UMOD: variants seen among roughly 807,000 people sequenced by gnomAD.
UMOD encodes the protein uromodulin, also known as Tamm-Horsfall urinary glycoprotein.
UMOD carries 64 observed loss-of-function variants against 66.0 expected under a neutral mutation model. That is an observed-to-expected ratio of 0.97 (90% CI 0.79 to 1.19). The LOEUF (loss-of-function observed/expected upper bound fraction) is 1.19, where lower values mean the gene tolerates loss of function less well. UMOD is among the 50% of genes most tolerant of loss of function. UMOD has a pLI of 0.00. For missense variants in UMOD, 764 were observed against 850.9 expected (o/e 0.90, Z 1.27); for synonymous variants, 398 against 352.7 (o/e 1.13, Z -1.44).
At chr16:20,355,862 G>A (rs1388000660), upstream of UMOD, among the ~76,000 whole-genome samples, 1 of 152,070 alleles carries the variant, frequency 6.6e-6, no homozygotes, top group Middle Eastern at 3.2e-3. Context: ...CACGTCACAG[G>A]GAAGAAGACA....
At chr16:20,337,140 G>A (rs1964919367) in intron 8 of UMOD, 151 bp downstream of exon 8, 2 of 1,075,246 alleles carry the variant, frequency 1.9e-6, no homozygotes, top group Admixed American at 4.2e-5. Context: ...CTGCAGCTTA[G>A]GTTTCCTGCC....
At chr16:20,345,534 T>TCCTTCCTTCCTTCCTC in intron 5 of UMOD, among the ~76,000 whole-genome samples, 2 of 122,280 alleles carry the variant, frequency 1.6e-5, no homozygotes, top group Non-Finnish European at 1.7e-5. Context: ...CTTCCTTCCT[T>TCCTTCCTTCCTTCCTC]CCCTCTCTCT....
Position 20,346,191 on chromosome 16 carries a change from C to T in UMOD, c.1117G>A (p.Asp373Asn). The change falls in exon 5 of 11, where the codon GAC becomes AAC. Residue 373 changes from aspartate to asparagine, a missense_variant. Transcript: ENST00000396138. ...ACTACAGACACCCAGTCCCGGTTGT[C>T]TCTGTCATTGAAGCCCGAGCACCGG... is the stretch of plus-strand genomic sequence containing the variant. ...DSRCSGFNDR[D>N]NRDWVSVVTP... The T allele has an allele frequency of 6.2e-7, 1 of 1,614,270 alleles. No individual in the cohort carries two copies. The highest frequency in any genetic ancestry group is 8.5e-7 in the Non-Finnish European group (1 of 1,180,056).
intron 8 of UMOD, 23 bp from the exon 9 acceptor site, chr16:20,336,750 A>G (rs1371247491): frequency 5.0e-6 from 8 of 1,608,906 alleles, no homozygotes; most frequent in Non-Finnish European, 6.8e-6. Flanking sequence ...GGCAATAGAA[A>G]AACACCCTCC....
chr16:20,348,108 A>C, intron 4 of UMOD, 115 bp downstream of exon 4: 2 of 933,278 alleles, frequency 2.1e-6, no homozygotes, highest in Admixed American at 1.8e-5. Context: ...CTCAGGTTGG[A>C]TATATATCCC....
intron 6 of UMOD, among the ~76,000 whole-genome samples, chr16:20,341,688 T>C (rs1042818963): frequency 3.3e-5 from 5 of 151,536 alleles, no homozygotes; most frequent in Non-Finnish European, 7.4e-5. Flanking sequence ...TTGCTACCCC[T>C]GTAGCTTTCA....
intron 7 of UMOD, among the ~76,000 whole-genome samples, chr16:20,339,789 G>A (rs1470954671): frequency 6.6e-6 from 1 of 152,192 alleles, no homozygotes; most frequent in Non-Finnish European, 1.5e-5. Flanking sequence ...AATATAAGCT[G>A]TGTGAGGGCA....
At position 20,333,250 on chromosome 16, in the gene UMOD, T is replaced by C; in HGVS notation, c.*64A>G. 1 of 1,528,568 alleles carries C rather than the reference T, an allele frequency of 6.5e-7. No homozygotes were observed. Among genetic ancestry groups the C allele is most frequent in the Admixed American group, 1.7e-5 (1 of 57,808 alleles). 94.7% of individuals were successfully genotyped at this position (1,528,568 alleles called of 1,614,324 possible). On this transcript the variant is annotated 3_prime_UTR_variant, in exon 11 of 11. Transcript: ENST00000396138. Reference sequence around the variant, plus strand: ...TCTGTGGCTGGAGCACTGGCCCGCATCATGCCCCCTGCCCAGCAGGAGGTG... The same window carrying C: ...TCTGTGGCTGGAGCACTGGCCCGCACCATGCCCCCTGCCCAGCAGGAGGTG...
At chr16:20,355,808 A>G (rs7203642), upstream of UMOD, among the ~76,000 whole-genome samples, 39,794 of 152,054 alleles carry the variant, frequency 0.26, 5,850 homozygotes, top group African/African-American at 0.4. Context: ...CACTGTGCTC[A>G]GTGCTTTTGC....
chr16:20,341,466 C>T (rs1965214638), intron 6 of UMOD, 130 bp from the exon 7 acceptor site: 1 of 1,521,118 alleles, frequency 6.6e-7, no homozygotes, highest in South Asian at 1.2e-5. Context: ...AAGAGTGGAA[C>T]CCACCAACTG....
chr16:20,350,571 G>A, intron 2 of UMOD, 79 bp downstream of exon 2: 1 of 1,547,036 alleles, frequency 6.5e-7, no homozygotes, highest in South Asian at 1.2e-5. Flanking sequence ...CCTCTGACAG[G>A]TGCTACATTG....
At chr16:20,346,005 G>T in intron 5 of UMOD, 121 bp downstream of exon 5, 1 of 854,856 alleles carries the variant, frequency 1.2e-6, no homozygotes, top group Non-Finnish European at 1.8e-6. Flanking sequence ...CTTTACAGTT[G>T]ATGAAACTGA....
At chr16:20,342,625 C>T (rs1431642105) in intron 6 of UMOD, 1 of 152,208 alleles carries the variant, frequency 6.6e-6, no homozygotes, top group Admixed American at 6.5e-5. Flanking sequence ...GGCTCTGGAC[C>T]TGATGTCTGA....
intron 5 of UMOD, among the ~76,000 whole-genome samples, chr16:20,345,330 T>TTTTC (rs10656659): frequency 0.2 from 29,592 of 150,706 alleles, 4,000 homozygotes; most frequent in African/African-American, 0.39. Flanking sequence ...AAATCTTTCT[T>TTTTC]TTTCTTTCTT....
upstream of UMOD, among the ~76,000 whole-genome samples, chr16:20,355,671 A>T (rs946788530): frequency 6.6e-6 from 1 of 152,038 alleles, no homozygotes; most frequent in African/African-American, 2.4e-5. Context: ...AAGTGCTGGG[A>T]TTACAGACAT....
chr16:20,338,028 C>T (rs1442746406), intron 7 of UMOD, among the ~76,000 whole-genome samples: 1 of 152,144 alleles, frequency 6.6e-6, no homozygotes, highest in African/African-American at 2.4e-5. Context: ...GGGAGGCAAA[C>T]TGGGCACCCC....
intron 7 of UMOD, 108 bp from the exon 8 acceptor site, chr16:20,337,561 G>A (rs551274807): frequency 2.9e-6 from 4 of 1,396,990 alleles, no homozygotes; most frequent in African/African-American, 1.4e-5. Context: ...GTGACTTTGG[G>A]CAACTTATTT....
At position 20,336,668 on chromosome 16, in the gene UMOD, G is replaced by A. The variant is rs764761074; in HGVS notation, c.1800C>T (p.Asn600=). 2 of 1,614,134 alleles carry A rather than the reference G, an allele frequency of 1.2e-6. No individual in the cohort carries two copies. Among genetic ancestry groups the A allele is most frequent in the Non-Finnish European group, 1.7e-6 (2 of 1,179,972 alleles). ...GSVIDQSRVL[N]LGPITRKGVQ... is the part of the protein sequence containing the mutation. ...TACCTTTCCGTGTGATGGGACCCAA[G>A]TTCAGGACACGGGATTGATCTATGA... The change falls in exon 9 of 11, where the codon AAC becomes AAT. Residue 600 remains asparagine (N), a synonymous_variant. Coordinates refer to ENST00000396138, the MANE Select transcript of UMOD (RefSeq NM_003361.4).
Position 20,341,285 on chromosome 16 carries a change from C to T in UMOD, c.1383G>A (p.Ala461=), listed in dbSNP as rs147222401. ...GGTGMFTVRM[A]LFQTPSYTQP... is the part of the protein sequence containing the mutation. ...GCGTGTAGGAAGGGGTCTGGAAGAG[C>T]GCCATCCGCACGGTGAACATGCCGG... Residue 461 remains alanine (A), a synonymous_variant, in exon 7 of 11, where the codon GCG becomes GCA. Transcript: ENST00000396138. 2.2e-5 allele frequency: 36 copies of T among 1,613,990 alleles called. No individual in the cohort carries two copies. In the African/African-American group the frequency reaches 3.7e-4, roughly 17 times the overall value.
Sources: gnomAD v4.1 joint callset for allele counts (sites outside exome capture counted in the v4.1 genomes callset) on GRCh38, gnomAD v4.1.1 for gene constraint, MANE v1.5 for transcripts, NCBI Gene and HGNC (gene_info 2026-07-23, HGNC 2026-07-21) for gene names.